Variants in ACACA observed in about 807,000 individuals in gnomAD.
The protein encoded by ACACA is acetyl-CoA carboxylase 1.
In ACACA, 103 loss-of-function variants were observed where a neutral mutation model predicts 296.1. The ratio of observed to expected loss-of-function variants is 0.35; its 90% confidence interval spans 0.30 to 0.41. The LOEUF is 0.41. Ranked by LOEUF, ACACA falls within the 10% of genes least tolerant of loss-of-function variation. The pLI, the probability that ACACA is intolerant of heterozygous loss-of-function variation, is 1.00. For missense variants in ACACA, 1,554 were observed against 2,989.7 expected, an observed-to-expected ratio of 0.52 and a Z score of 11.20; for synonymous variants, 953 against 1,038.6, an observed-to-expected ratio of 0.92 and a Z score of 1.58.
chr17:37,321,346 T>G (rs1287895944), intron 3 of ACACA, among the ~76,000 whole-genome samples: 1 of 152,098 alleles, frequency 6.6e-6, no homozygotes, highest in Non-Finnish European at 1.5e-5. Context: ...GAAATCTGGC[T>G]GGGCGTGGTG....
intron 54 of ACACA, among the ~76,000 whole-genome samples, chr17:37,093,710 C>T (rs1282704608): frequency 2.0e-5 from 3 of 152,132 alleles, no homozygotes; most frequent in Non-Finnish European, 2.9e-5. Context: ...GTTATCCAGG[C>T]TGGTCTCAAA....
At position 37,241,936 on chromosome 17, in the gene ACACA, G is replaced by C. The variant is rs367684483; in HGVS notation, c.3032+17C>G. ...GAGTATGGACAGGTCTGGGAATCTG[G>C]AGTTACAAGTTACTACCTCTGTACC... On this transcript the variant is annotated intron_variant, in intron 23 of 55. Transcript: ENST00000616317. 5.0e-5 allele frequency: 80 copies of C among 1,597,212 alleles called. No homozygotes were observed. The highest frequency in any genetic ancestry group is 6.0e-5 in the Non-Finnish European group (70 of 1,164,892).
intron 30 of ACACA, among the ~76,000 whole-genome samples, chr17:37,208,146 T>A (rs2078591169): frequency 6.6e-6 from 1 of 152,106 alleles, no homozygotes; most frequent in Admixed American, 6.5e-5. Context: ...ATCTTCCCCC[T>A]CCCTAAAGCA....
At chr17:37,293,222 C>T (rs1226573429) in intron 3 of ACACA, among the ~76,000 whole-genome samples, 1 of 152,196 alleles carries the variant, frequency 6.6e-6, no homozygotes, top group African/African-American at 2.4e-5. Flanking sequence ...TCATAAATAA[C>T]CTTTTCAAAT....
intron 3 of ACACA, among the ~76,000 whole-genome samples, chr17:37,312,162 G>A (rs2084181530): frequency 6.6e-6 from 1 of 152,054 alleles, no homozygotes; most frequent in East Asian, 1.9e-4. Context: ...ATTTCAGTAA[G>A]GATACATGAC....
In ACACA at chr17:37,188,474, C is replaced by G. The variant is rs745969915; in HGVS notation, c.4579G>C (p.Glu1527Gln). The G allele has an allele frequency of 1.9e-6, 3 of 1,612,698 alleles. No homozygotes were observed. The highest frequency in any genetic ancestry group is 1.7e-6 in the Non-Finnish European group (2 of 1,179,986). ...CGCATTACCATGCTCCGCACGGATT[C>G]CTCAATCTGACACAGACACATCACC... ...TVIMDPSKIEESVRSMVMRYG... is the reference protein window; with the variant it reads ...TVIMDPSKIEQSVRSMVMRYG... The change falls in exon 39 of 56, where the codon GAA (glutamate) becomes CAA (glutamine). Residue 1527 changes from glutamate to glutamine, a missense_variant. Physicochemically the swap from Glu to Gln is conservative, Grantham distance 29. Around this residue, in one of 16 missense-constraint regions of ACACA, gnomAD observed 35 missense variants for 131.8 expected, o/e 0.27. Transcript: ENST00000616317.
At chr17:37,376,371 G>A (rs1196075797) in intron 1 of ACACA, among the ~76,000 whole-genome samples, 2 of 152,208 alleles carry the variant, frequency 1.3e-5, no homozygotes, top group East Asian at 3.8e-4. Flanking sequence ...AGAATGTGAT[G>A]CATTCTTATG....
chr17:37,316,302 T>TACACACACACACACACACACACACAC (rs10533479), intron 3 of ACACA, among the ~76,000 whole-genome samples: 2 of 142,506 alleles, frequency 1.4e-5, no homozygotes, highest in African/African-American at 5.2e-5. Context: ...TACCCTTACA[T>TACACACACACACACACACACACACAC]ACACACACAC....
chr17:37,351,335 C>T (rs367843254), intron 1 of ACACA, among the ~76,000 whole-genome samples: 23 of 151,948 alleles, frequency 1.5e-4, no homozygotes, highest in South Asian at 4.2e-4. Flanking sequence ...TGGTGGCACA[C>T]GCCTGTAATT....
chr17:37,222,729 CA>C (rs2079356516), intron 28 of ACACA, among the ~76,000 whole-genome samples: 1 of 152,136 alleles, frequency 6.6e-6, no homozygotes, highest in South Asian at 2.1e-4. Flanking sequence ...AAAAGTAACA[CA>C]AAAGAGCTGG....
chr17:37,375,334 A>G (rs1162313727), intron 1 of ACACA, among the ~76,000 whole-genome samples: 1 of 152,016 alleles, frequency 6.6e-6, no homozygotes, highest in Non-Finnish European at 1.5e-5. Context: ...AAAATACAAA[A>G]ACATTAGCCA....
At chr17:37,285,649 A>T (rs1001009917) in intron 3 of ACACA, among the ~76,000 whole-genome samples, 1 of 142,616 alleles carries the variant, frequency 7.0e-6, no homozygotes, top group African/African-American at 2.8e-5. Context: ...CCCTGTCTAT[A>T]AAAAAAATAC....
At chr17:37,252,826 A>G in intron 15 of ACACA, 60 bp downstream of exon 15, 2 of 1,598,908 alleles carry the variant, frequency 1.3e-6, no homozygotes. Context: ...AGTGACAGGG[A>G]TTGAGTACAC....
intron 48 of ACACA, among the ~76,000 whole-genome samples, chr17:37,124,090 G>C (rs1246095634): frequency 6.6e-6 from 1 of 152,174 alleles, no homozygotes; most frequent in African/African-American, 2.4e-5. Flanking sequence ...ACATACCAAA[G>C]ATGAGTTTTG....
At chr17:37,188,584 G>T in intron 38 of ACACA, 104 bp from the exon 39 acceptor site, 1 of 1,287,950 alleles carries the variant, frequency 7.8e-7, no homozygotes, top group Non-Finnish European at 1.1e-6. Context: ...AAAAAAAGAG[G>T]TTGGTTTGTG....
At chr17:37,391,542 T>C (rs1277811260) in intron 1 of ACACA, 1 of 985,926 alleles carries the variant, frequency 1.0e-6, no homozygotes, top group South Asian at 1.3e-5. Context: ...TGAAGTGCAC[T>C]TGGAATTACA....
At chr17:37,212,283 G>A (rs528238519) in intron 29 of ACACA, among the ~76,000 whole-genome samples, 218 of 152,194 alleles carry the variant, frequency 1.4e-3, no homozygotes, top group African/African-American at 4.9e-3. Context: ...ACAGGATGAC[G>A]GCCATGTTTT....
At chr17:37,290,063 T>G (rs1647984757) in intron 3 of ACACA, among the ~76,000 whole-genome samples, 1 of 152,168 alleles carries the variant, frequency 6.6e-6, no homozygotes, top group African/African-American at 2.4e-5. Flanking sequence ...TGGGTTTTTT[T>G]TTTAGACAGA....
intron 45 of ACACA, among the ~76,000 whole-genome samples, chr17:37,131,401 T>A (rs1428788970): frequency 1.3e-5 from 2 of 152,210 alleles, no homozygotes; most frequent in African/African-American, 4.8e-5. Flanking sequence ...TGCAAACTGC[T>A]GAGTGTATAG....
Sources: allele counts gnomAD v4.1 joint callset (sites outside exome capture counted in the v4.1 genomes callset), GRCh38; gene constraint gnomAD v4.1.1; regional missense constraint gnomAD v4.1.1; transcripts MANE v1.5; gene names NCBI Gene and HGNC (gene_info 2026-07-23, HGNC 2026-07-21).